The following ULK4 variants were observed in gnomAD, a reference collection of about 807,000 sequenced individuals.
ULK4 encodes inactive serine/threonine-protein kinase ULK4.
In ULK4, 133 loss-of-function variants were observed where a neutral mutation model predicts 160.6. The observed-to-expected ratio is 0.83, with a 90% CI of 0.72 to 0.96. The LOEUF is 0.96. Among genes scored for constraint, ULK4 ranks in the 40% least tolerant of loss-of-function variants. The pLI is 0.00. For missense variants in ULK4, 1,580 were observed against 1,499.5 expected (o/e 1.05, Z -0.89); for synonymous variants, 534 against 539.8 (o/e 0.99, Z 0.15).
At chr3:41,372,548 T>C (rs1045113780) in intron 35 of ULK4, among the ~76,000 whole-genome samples, 30 of 152,244 alleles carry the variant, frequency 2.0e-4, no homozygotes, top group Non-Finnish European at 4.0e-4. Context: ...CTAAGCTTCA[T>C]AAGTAAAGGA....
At chr3:41,924,082 G>C (rs1030092117) in intron 5 of ULK4, among the ~76,000 whole-genome samples, 2 of 152,112 alleles carry the variant, frequency 1.3e-5, no homozygotes, top group Non-Finnish European at 2.9e-5. Context: ...AGCTCTTTTC[G>C]ATATTATTTT....
At chr3:41,837,897 T>C (rs377556511) in intron 17 of ULK4, among the ~76,000 whole-genome samples, 1 of 152,202 alleles carries the variant, frequency 6.6e-6, no homozygotes, top group Admixed American at 6.5e-5. Context: ...TATTCTATTG[T>C]ATGGATGTAC....
intron 35 of ULK4, among the ~76,000 whole-genome samples, chr3:41,350,989 T>C (rs932506174): frequency 9.2e-5 from 14 of 152,218 alleles, no homozygotes; most frequent in East Asian, 1.9e-4. Context: ...ATTTCTCTCA[T>C]TCATGTGGCA....
chr3:41,687,677 C>A (rs958886543), intron 27 of ULK4, among the ~76,000 whole-genome samples: 10 of 152,120 alleles, frequency 6.6e-5, no homozygotes, highest in African/African-American at 2.4e-4. Context: ...AGCCAATCCC[C>A]ATGTCTTGAA....
intron 35 of ULK4, among the ~76,000 whole-genome samples, chr3:41,280,036 C>A (rs2079319391): frequency 6.6e-6 from 1 of 151,996 alleles, no homozygotes; most frequent in Admixed American, 6.6e-5. Flanking sequence ...AGACTTTAAA[C>A]CAAAAAAGAT....
chr3:41,959,295 C>T (rs1018917767), intron 1 of ULK4, among the ~76,000 whole-genome samples: 1 of 147,036 alleles, frequency 6.8e-6, no homozygotes, highest in East Asian at 2.0e-4. Context: ...ACCCGGGAGG[C>T]GGAGGCTGCA....
intron 32 of ULK4, among the ~76,000 whole-genome samples, chr3:41,483,037 C>A (rs1046339273): frequency 6.6e-6 from 1 of 152,070 alleles, no homozygotes; most frequent in Admixed American, 6.5e-5. Flanking sequence ...ACTCTTAGTT[C>A]TTTTTAAATA....
intron 34 of ULK4, among the ~76,000 whole-genome samples, chr3:41,408,263 C>T (rs1393787383): frequency 6.6e-6 from 1 of 151,208 alleles, no homozygotes; most frequent in Non-Finnish European, 1.5e-5. Context: ...CCTGTCTCTA[C>T]TAAAAATAAA....
chr3:41,901,399 C>A (rs552960544), intron 12 of ULK4, among the ~76,000 whole-genome samples: 2 of 150,472 alleles, frequency 1.3e-5, no homozygotes, highest in Non-Finnish European at 3.0e-5. Flanking sequence ...CCAGGATGGT[C>A]TCAATCTCCT....
At chr3:41,851,478 C>T (rs1380186584) in intron 17 of ULK4, among the ~76,000 whole-genome samples, 2 of 152,094 alleles carry the variant, frequency 1.3e-5, no homozygotes, top group African/African-American at 4.8e-5. Flanking sequence ...ATTCGGTTTG[C>T]CAGTATTTTA....
intron 27 of ULK4, among the ~76,000 whole-genome samples, chr3:41,682,529 C>T (rs1460356711): frequency 1.3e-5 from 2 of 152,214 alleles, no homozygotes; most frequent in African/African-American, 2.4e-5. Flanking sequence ...AGAATCTGTG[C>T]ACAGCCAAAC....
chr3:41,580,017 T>C (rs1381886988), intron 31 of ULK4, among the ~76,000 whole-genome samples: 1 of 152,178 alleles, frequency 6.6e-6, no homozygotes, highest in Non-Finnish European at 1.5e-5. Context: ...GACTGCTTTC[T>C]TGCTGCCATA....
At position 41,866,555 on chromosome 3, in the gene ULK4, G is replaced by A. The variant is rs140375461; in HGVS notation, c.1656+17319C>T. On this transcript the variant is annotated intron_variant, in intron 17 of 36. Coordinates refer to ENST00000301831, the MANE Select transcript of ULK4 (RefSeq NM_017886.4). ...TAATGCCACTGCTGATCTGACAGGA[G>A]GCAGAGCTCAGGCAGTAATGCTCAC... 2.1e-4 allele frequency among the ~76,000 whole-genome samples: 32 copies of A among 152,314 alleles called. No homozygotes were observed. The East Asian group carries it at 6.0e-3, about 28-fold the overall frequency.
chr3:41,789,968 T>C (rs544061309), intron 20 of ULK4, 125 bp from the exon 21 acceptor site: 4 of 869,226 alleles, frequency 4.6e-6, no homozygotes, highest in East Asian at 3.1e-5. Flanking sequence ...ATTACTTATT[T>C]TGGCACAAGA....
chr3:41,448,264 C>G (rs943832754), intron 34 of ULK4, among the ~76,000 whole-genome samples: 2 of 151,948 alleles, frequency 1.3e-5, no homozygotes, highest in African/African-American at 4.8e-5. Context: ...GTCTGAGGCA[C>G]GCTAAACCAG....
At chr3:41,729,759 G>A (rs2037764449) in intron 22 of ULK4, among the ~76,000 whole-genome samples, 1 of 152,166 alleles carries the variant, frequency 6.6e-6, no homozygotes, top group Non-Finnish European at 1.5e-5. Flanking sequence ...CAGGGAAGCA[G>A]CCCAAGCTGG....
At chr3:41,879,607 C>T (rs1401708438) in intron 17 of ULK4, among the ~76,000 whole-genome samples, 2 of 152,084 alleles carry the variant, frequency 1.3e-5, no homozygotes, top group Non-Finnish European at 2.9e-5. Context: ...GTCTCAGCCT[C>T]CTGAGTAGCT....
At chr3:41,634,421 A>C (rs1390570205) in intron 30 of ULK4, among the ~76,000 whole-genome samples, 5 of 152,290 alleles carry the variant, frequency 3.3e-5, no homozygotes, top group Middle Eastern at 3.4e-3. Context: ...TTTATTTACA[A>C]ATCCTGGGCA....
rs528931851 is a variant in ULK4, at chr3:41,388,051, G to T, written c.3678+10028C>A. Among the ~76,000 whole-genome samples, 986 of 152,022 alleles carry T rather than the reference G, an allele frequency of 6.5e-3. 2 individuals are homozygous for T. Among genetic ancestry groups the T allele is most frequent in the African/African-American group, 0.015 (630 of 41,480 alleles). ...CCAGCACCTGTTGTTTCCTGACTTTGTAATGATTGCCATTCTAACTGGTGT... is the reference window on the plus strand; with the variant it reads ...CCAGCACCTGTTGTTTCCTGACTTTTTAATGATTGCCATTCTAACTGGTGT... On this transcript the variant is annotated intron_variant, in intron 35 of 36. Transcript: ENST00000301831.
Sources: gnomAD v4.1 joint callset for allele counts (sites outside exome capture counted in the v4.1 genomes callset) on GRCh38, gnomAD v4.1.1 for gene constraint, MANE v1.5 for transcripts, NCBI Gene and HGNC (gene_info 2026-07-23, HGNC 2026-07-21) for gene names.